GPAM: variants seen among roughly 807,000 people sequenced by gnomAD.
The protein encoded by GPAM is glycerol-3-phosphate acyltransferase, mitochondrial, also known as glycerol-3-phosphate acyltransferase 1, mitochondrial.
GPAM carries 56 observed loss-of-function variants against 105.0 expected under a neutral mutation model. The observed-to-expected ratio is 0.53, with a 90% CI of 0.43 to 0.67. GPAM has a LOEUF of 0.67. Among genes scored for constraint, GPAM ranks in the 30% least tolerant of loss-of-function variants. The pLI is 0.00. For missense variants in GPAM, 855 were observed against 989.8 expected (o/e 0.86, Z 1.83); for synonymous variants, 368 against 354.4 (o/e 1.04, Z -0.43).
intron 1 of GPAM, among the ~76,000 whole-genome samples, chr10:112,195,506 T>C (rs186676118): frequency 1.3e-5 from 2 of 152,324 alleles, no homozygotes; most frequent in East Asian, 1.9e-4. Context: ...TCATACTTCA[T>C]AACACAGCTC....
chr10:112,156,113 T>C (rs1847014133), intron 19 of GPAM, 60 bp from the exon 20 acceptor site: 10 of 1,179,056 alleles, frequency 8.5e-6, no homozygotes, highest in South Asian at 7.6e-5. Flanking sequence ...ACAAGGCAAG[T>C]GGACAGAGGA....
At chr10:112,169,881 G>A (rs745804105) in intron 9 of GPAM, among the ~76,000 whole-genome samples, 1 of 152,160 alleles carries the variant, frequency 6.6e-6, no homozygotes, top group Non-Finnish European at 1.5e-5. Context: ...TCATAGGATA[G>A]GAGCGCAAAT....
intron 21 of GPAM, 111 bp downstream of exon 21, chr10:112,154,518 A>AGAAACTGCTTC (rs1357873470): frequency 1.2e-6 from 1 of 806,554 alleles, no homozygotes; most frequent in Non-Finnish European, 2.2e-6. Context: ...TTAAGCCAGC[A>AGAAACTGCTTC]GAAACTGCTT....
chr10:112,178,304 C>A (rs1301672761), intron 4 of GPAM, among the ~76,000 whole-genome samples: 1 of 152,128 alleles, frequency 6.6e-6, no homozygotes, highest in Non-Finnish European at 1.5e-5. Flanking sequence ...AATCTCAGCA[C>A]TTTGGGAGGC....
chr10:112,213,050 T>C (rs1317377339), intron 1 of GPAM, among the ~76,000 whole-genome samples: 1 of 152,206 alleles, frequency 6.6e-6, no homozygotes, highest in Non-Finnish European at 1.5e-5. Flanking sequence ...TCAGGGTCTG[T>C]GCTTGCTAAT....
intron 1 of GPAM, among the ~76,000 whole-genome samples, chr10:112,203,759 G>C (rs888210637): frequency 6.6e-6 from 1 of 152,182 alleles, no homozygotes; most frequent in Non-Finnish European, 1.5e-5. Context: ...ACTCGAGAAA[G>C]ACCCTTATGA....
At chr10:112,168,611 CAG>C in intron 10 of GPAM, 87 bp from the exon 11 acceptor site, 2 of 929,052 alleles carry the variant, frequency 2.2e-6, no homozygotes, top group South Asian at 2.7e-5. Context: ...AAAAGCAAAA[CAG>C]AAAAAACGAT....
chr10:112,186,350 C>G (rs1252798782), upstream of GPAM, among the ~76,000 whole-genome samples: 6 of 151,150 alleles, frequency 4.0e-5, no homozygotes, highest in Non-Finnish European at 8.8e-5. Flanking sequence ...CATATTTTGA[C>G]ATCGAATTGC....
intron 21 of GPAM, 30 bp from the exon 22 acceptor site, chr10:112,153,696 G>A (rs757056863): frequency 6.2e-7 from 1 of 1,603,132 alleles, no homozygotes; most frequent in Admixed American, 1.7e-5. Flanking sequence ...TAAATTAAAG[G>A]CAAAAAATAA....
chr10:112,151,832 G>A lies in GPAM; in HGVS notation c.*1718C>T, dbSNP rs1846925478. ...TCCTCCAAATGTAGCCAAGAAAAGT[G>A]TTCTTCTACCCTAGTCAGTAAAATG... On this transcript the variant is annotated 3_prime_UTR_variant, in exon 22 of 22. Transcript: ENST00000348367. 2 of 985,082 alleles carry A rather than the reference G, an allele frequency of 2.0e-6. No individual in the cohort carries two copies. Among genetic ancestry groups the A allele is most frequent in the South Asian group, 9.4e-5 (2 of 21,274 alleles). The allele number at this position is 985,082 out of a possible 1,614,324, so 61.0% of individuals were successfully genotyped here.
chr10:112,185,563 C>T (rs1341041040), upstream of GPAM, among the ~76,000 whole-genome samples: 1 of 105,462 alleles, frequency 9.5e-6, no homozygotes, highest in African/African-American at 3.9e-5. Context: ...CCCTAACACA[C>T]ACACACAGAC....
chr10:112,175,405 G>A (rs1302986791), intron 6 of GPAM, among the ~76,000 whole-genome samples, 195 bp downstream of exon 6: 2 of 152,070 alleles, frequency 1.3e-5, no homozygotes, highest in South Asian at 2.1e-4. Flanking sequence ...TTCCCACATG[G>A]CACTGTCACC....
At chr10:112,213,186 A>G (rs879313694) in intron 1 of GPAM, among the ~76,000 whole-genome samples, 3 of 152,200 alleles carry the variant, frequency 2.0e-5, no homozygotes, top group Non-Finnish European at 4.4e-5. Flanking sequence ...GCCTGCTATC[A>G]TTCATTCATT....
chr10:112,157,308 T>C lies in GPAM; in HGVS notation c.2062A>G (p.Ser688Gly). Residue 688 changes from serine to glycine, a missense_variant, in exon 19 of 22, where the codon AGT (serine) becomes GGT (glycine). Physicochemically the swap from Ser to Gly is moderately conservative, Grantham distance 56. Transcript: ENST00000348367. Reference protein sequence around the residue: ...KKLPEPLSWRSDEEDEDSDFG... With the variant: ...KKLPEPLSWRGDEEDEDSDFG... ...TCACTGTCTTCATCTTCTTCATCACTTCTCCAAGACAAAGGTTCTGGAAGC... is the reference window on the plus strand; with the variant it reads ...TCACTGTCTTCATCTTCTTCATCACCTCTCCAAGACAAAGGTTCTGGAAGC... 2 of 1,613,592 alleles carry C rather than the reference T, an allele frequency of 1.2e-6. No individual in the cohort carries two copies. The highest frequency in any genetic ancestry group is 1.7e-6 in the Non-Finnish European group (2 of 1,179,462).
At chr10:112,181,493 A>C (rs1291365279) in intron 3 of GPAM, among the ~76,000 whole-genome samples, 190 bp downstream of exon 3, 2 of 152,172 alleles carry the variant, frequency 1.3e-5, no homozygotes, top group East Asian at 3.8e-4. Context: ...AGTGTACATA[A>C]ATTTTCTAAC....
Position 112,151,443 on chromosome 10 carries a change from A to C in GPAM, c.*2107T>G, listed in dbSNP as rs529717298. On this transcript the variant is annotated 3_prime_UTR_variant, in exon 22 of 22. Coordinates refer to ENST00000348367, the MANE Select transcript of GPAM (RefSeq NM_001244949.2). ...GGTTGAGATTTTTCTCCCTTAAAAAAGATTTTCAAAGCACCAGTTAATTAC... is the reference window on the plus strand; with the variant it reads ...GGTTGAGATTTTTCTCCCTTAAAAACGATTTTCAAAGCACCAGTTAATTAC... The C allele has an allele frequency of 3.0e-6, 3 of 985,662 alleles. No individual in the cohort carries two copies. Among genetic ancestry groups the C allele is most frequent in the Non-Finnish European group, 3.6e-6 (3 of 829,848 alleles). The allele number at this position is 985,662 out of a possible 1,614,324, so 61.1% of individuals were successfully genotyped here.
At chr10:112,218,435 G>A (rs1847991645), upstream of GPAM, among the ~76,000 whole-genome samples, 1 of 152,140 alleles carries the variant, frequency 6.6e-6, no homozygotes. Context: ...AAACCCTTGA[G>A]GTCACCAGAT....
chr10:112,168,209 G>C, intron 11 of GPAM, 103 bp downstream of exon 11: 1 of 733,350 alleles, frequency 1.4e-6, no homozygotes, highest in Non-Finnish European at 2.5e-6. Flanking sequence ...TAAACATAGG[G>C]AGTACCAAAA....
chr10:112,173,514 C>G (rs1847349893), intron 7 of GPAM, among the ~76,000 whole-genome samples, 185 bp downstream of exon 7: 1 of 152,138 alleles, frequency 6.6e-6, no homozygotes. Context: ...CACCTTCAAG[C>G]CTACCACAGT....
Sources: gnomAD v4.1 joint callset for allele counts (sites outside exome capture counted in the v4.1 genomes callset) on GRCh38, gnomAD v4.1.1 for gene constraint, MANE v1.5 for transcripts, NCBI Gene and HGNC (gene_info 2026-07-23, HGNC 2026-07-21) for gene names.